The following ALPK2 variants were observed in gnomAD, a reference collection of about 807,000 sequenced individuals.
ALPK2 encodes alpha-protein kinase 2.
ALPK2 carries 127 observed loss-of-function variants against 163.1 expected under a neutral mutation model. The observed-to-expected ratio is 0.78, with a 90% confidence interval of 0.67 to 0.90. The LOEUF (loss-of-function observed/expected upper bound fraction) is 0.90. Ranked by LOEUF, ALPK2 falls within the 40% of genes least tolerant of loss-of-function variation. The pLI is 0.00. For synonymous variants in ALPK2, 953 were observed against 959.1 expected, an observed-to-expected ratio of 0.99 and a Z score of 0.12; for missense variants, 2,360 against 2,589.6, an observed-to-expected ratio of 0.91 and a Z score of 1.92.
At chr18:58,553,862 T>G (rs1419353279) in intron 4 of ALPK2, among the ~76,000 whole-genome samples, 2 of 126,366 alleles carry the variant, frequency 1.6e-5, no homozygotes, top group South Asian at 3.0e-4. Context: ...TTTTTTTTTT[T>G]TTTTTTTTTT....
chr18:58,554,599 G>A (rs1357583079), intron 4 of ALPK2, among the ~76,000 whole-genome samples: 1 of 152,156 alleles, frequency 6.6e-6, no homozygotes, highest in Admixed American at 6.5e-5. Context: ...TGAGGATCTT[G>A]CCTAGGATCC....
At chr18:58,626,097 T>C (rs1458144227) in intron 1 of ALPK2, among the ~76,000 whole-genome samples, 1 of 152,152 alleles carries the variant, frequency 6.6e-6, no homozygotes, top group African/African-American at 2.4e-5. Context: ...GTATCCTGGG[T>C]TCCTTGTGAA....
Position 58,579,892 on chromosome 18 carries a change from G to A in ALPK2, c.884C>T (p.Pro295Leu), listed in dbSNP as rs188840779. ...PGDSAVANKQ[P>L]SPQLSSEDSD... ...GTCTTCACTGGAAAGCTGTGGGCTG[G>A]GTTGTTTGTTGGCCACGGCACTGTC... is the stretch of plus-strand genomic sequence containing the variant. The change falls in exon 4 of 13, where the codon CCC (proline) becomes CTC (leucine). Residue 295 changes from proline to leucine, a missense_variant. Coordinates refer to ENST00000361673, the MANE Select transcript of ALPK2 (RefSeq NM_052947.4). 6.2e-7 allele frequency: 1 copy of A among 1,614,160 alleles called. No homozygotes were observed. The highest frequency in any genetic ancestry group is 1.3e-5 in the African/African-American group (1 of 75,050).
At chr18:58,530,145 T>C (rs1171071973) in intron 5 of ALPK2, among the ~76,000 whole-genome samples, 1 of 152,218 alleles carries the variant, frequency 6.6e-6, no homozygotes. Context: ...GAGACTTTGC[T>C]CCACTGCCTC....
intron 2 of ALPK2, 77 bp downstream of exon 2, chr18:58,611,612 G>A: frequency 7.8e-7 from 1 of 1,285,942 alleles, no homozygotes; most frequent in Non-Finnish European, 1.1e-6. Context: ...TGATGTTTTA[G>A]TAATGCCTTT....
At chr18:58,505,173 C>T (rs1341102465) in intron 10 of ALPK2, among the ~76,000 whole-genome samples, 1 of 152,032 alleles carries the variant, frequency 6.6e-6, no homozygotes, top group East Asian at 1.9e-4. Context: ...AGGGGCAGGG[C>T]AGGGAGACCG....
intron 3 of ALPK2, among the ~76,000 whole-genome samples, chr18:58,595,266 T>C (rs1360011052): frequency 1.3e-5 from 2 of 152,184 alleles, no homozygotes; most frequent in Non-Finnish European, 2.9e-5. Context: ...TAGTTCCTGG[T>C]GTGTTAAATG....
At chr18:58,526,177 AGAACAGCAGTGGT>A (rs1176416794) in intron 6 of ALPK2, among the ~76,000 whole-genome samples, 1 of 152,218 alleles carries the variant, frequency 6.6e-6, no homozygotes. Context: ...TACAGACAGC[AGAACAGCAGTGGT>A]GATTAGCTGT....
intron 10 of ALPK2, among the ~76,000 whole-genome samples, chr18:58,505,961 C>G (rs1267854181): frequency 2.0e-5 from 3 of 152,160 alleles, no homozygotes; most frequent in Non-Finnish European, 4.4e-5. Context: ...CTGTGAGTTC[C>G]TCATCCTCTC....
chr18:58,544,579 T>C (rs978171255), intron 4 of ALPK2: 2 of 152,214 alleles, frequency 1.3e-5, no homozygotes, highest in African/African-American at 4.8e-5. Flanking sequence ...GTTGTGCTAA[T>C]AGCCAAGTGG....
intron 10 of ALPK2, chr18:58,512,240 A>G (rs2051493865): frequency 6.6e-6 from 1 of 152,258 alleles, no homozygotes. Context: ...TGGTGGGGAA[A>G]AAAACCAGAA....
rs1555670363 is a variant in ALPK2 at position 58,545,234 on chromosome 18, A to AC, written c.1963-7011_1963-7010insG. 8 of 146,012 alleles carry AC rather than the reference A, an allele frequency of 5.5e-5. No individual in the cohort carries two copies. In the East Asian group the frequency reaches 7.9e-4, roughly 14 times the overall value. 9.0% of individuals were successfully genotyped at this position (146,012 alleles called of 1,614,324 possible). A position where few individuals can be genotyped will look rare whatever the true frequency, so the allele number is the denominator to read the frequency against. ...TTCTTGTGAACTACAAAAAAAAAAAAACACACACACACACACACACTATTA... is the reference window on the plus strand; with the variant it reads ...TTCTTGTGAACTACAAAAAAAAAAAACACACACACACACACACACACTATTA... On this transcript the variant is annotated intron_variant, in intron 4 of 12. Coordinates refer to ENST00000361673, the MANE Select transcript of ALPK2 (RefSeq NM_052947.4).
rs1164582327 is a variant in ALPK2, at chr18:58,536,883, G to A, written c.3304C>T (p.Gln1102Ter). Reference protein sequence around the residue: ...GEGFCSNSPLQVDNLSGDKSQ... With the variant: ...GEGFCSNSPL ...TTATCTCCAGACAGGTTATCAACCT[G>A]AAGAGGGGAATTACTGCAGAAACCC... The change falls in exon 5 of 13, where the codon CAG becomes TAG. Residue 1102 changes from glutamine to a stop codon, truncating the protein, a stop_gained. Transcript: ENST00000361673. LOFTEE classifies it high-confidence loss of function. 2 of 1,614,166 alleles carry A rather than the reference G, an allele frequency of 1.2e-6. No homozygotes were observed. Among genetic ancestry groups the A allele is most frequent in the Middle Eastern group, 1.6e-4 (1 of 6,062 alleles).
chr18:58,523,110 G>T (rs1470010474), intron 8 of ALPK2, among the ~76,000 whole-genome samples: 1 of 121,804 alleles, frequency 8.2e-6, no homozygotes, highest in African/African-American at 3.3e-5. Context: ...TCCCCTTCCT[G>T]TGTCCATGTG....
intron 2 of ALPK2, among the ~76,000 whole-genome samples, chr18:58,610,629 C>A (rs150925196): frequency 1.3e-5 from 2 of 152,154 alleles, no homozygotes; most frequent in Admixed American, 1.3e-4. Context: ...AGAGGAGAGA[C>A]TAATTTAGCC....
chr18:58,499,744 TG>T (rs1401841003), intron 11 of ALPK2, among the ~76,000 whole-genome samples: 1 of 152,260 alleles, frequency 6.6e-6, no homozygotes, highest in Non-Finnish European at 1.5e-5. Context: ...TTGGGCTCCA[TG>T]GGCCGGGCTG....
chr18:58,535,232 G>A lies in ALPK2; in HGVS notation c.4955C>T (p.Thr1652Ile). 10 of 1,614,106 alleles carry A rather than the reference G, an allele frequency of 6.2e-6. No individual in the cohort carries two copies. Among genetic ancestry groups the A allele is most frequent in the Non-Finnish European group, 8.5e-6 (10 of 1,180,018 alleles). ...PPSSSSSSAK[T>I]LAFISGEREL... The stretch of plus-strand genomic sequence containing the variant: ...ACGTTCTCCTGAAATAAATGCCAAG[G>A]TCTTCGCTGAGGAGCTAGATGAGCT... Residue 1652 changes from threonine (T) to isoleucine (I), a missense_variant, in exon 5 of 13, where the codon ACC (threonine) becomes ATC (isoleucine). Transcript: ENST00000361673.
intron 12 of ALPK2, among the ~76,000 whole-genome samples, chr18:58,492,415 A>T (rs576050381): frequency 6.6e-6 from 1 of 152,250 alleles, no homozygotes; most frequent in African/African-American, 2.4e-5. Context: ...CTGATCTGTC[A>T]TGAGGCTCCC....
intron 12 of ALPK2, among the ~76,000 whole-genome samples, chr18:58,490,646 C>T (rs1019359373): frequency 1.3e-5 from 2 of 151,940 alleles, no homozygotes; most frequent in East Asian, 3.9e-4. Flanking sequence ...AAAAAGAATA[C>T]AAAAAGTTCC....
Sources: gnomAD v4.1 joint callset for allele counts (sites outside exome capture counted in the v4.1 genomes callset) on GRCh38, gnomAD v4.1.1 for gene constraint, MANE v1.5 for transcripts, NCBI Gene and HGNC (gene_info 2026-07-23, HGNC 2026-07-21) for gene names.